The following KAT2B variants were observed in gnomAD, a reference collection of about 807,000 sequenced individuals.
The protein encoded by KAT2B is lysine acetyltransferase 2B, also known as histone acetyltransferase KAT2B.
KAT2B carries 36 observed loss-of-function variants against 105.9 expected under a neutral mutation model. The observed-to-expected ratio is 0.34, with a 90% CI of 0.26 to 0.45. The LOEUF (loss-of-function observed/expected upper bound fraction) is 0.45. KAT2B is among the 20% of genes least tolerant of loss of function. KAT2B has a pLI of 1.00. For missense variants in KAT2B, 820 were observed against 1,021.6 expected, an observed-to-expected ratio of 0.80 and a Z score of 2.69; for synonymous variants, 397 against 377.9, an observed-to-expected ratio of 1.05 and a Z score of -0.59.
intron 9 of KAT2B, among the ~76,000 whole-genome samples, chr3:20,124,259 TG>T (rs1699360440): frequency 6.6e-6 from 1 of 152,138 alleles, no homozygotes; most frequent in Admixed American, 6.6e-5. Context: ...TACCTGAGAC[TG>T]GGTAATTTAT....
rs1699783602 is a variant in KAT2B, at chr3:20,146,379, T to C, written c.2068T>C (p.Cys690Arg). The change falls in exon 14 of 18, where the codon TGT becomes CGT. Residue 690 changes from cysteine to arginine, a missense_variant. Physicochemically the swap from Cys to Arg is radical, Grantham distance 180 (BLOSUM62 -3). Coordinates refer to ENST00000263754, the MANE Select transcript of KAT2B (RefSeq NM_003884.5). The stretch of plus-strand genomic sequence containing the variant: ...TCGAAAAGTTTACCCTGGACTTTCA[T>C]GTTTTAAAGATGGAGTTCGACAGAT... ...QIRKVYPGLS[C>R]FKDGVRQIPI... is the part of the protein sequence containing the mutation. The C allele has an allele frequency of 1.2e-6, 2 of 1,613,696 alleles. No individual in the cohort carries two copies. Among genetic ancestry groups the C allele is most frequent in the South Asian group, 1.1e-5 (1 of 91,074 alleles).
intron 12 of KAT2B, among the ~76,000 whole-genome samples, chr3:20,137,843 C>T (rs888696676): frequency 6.6e-6 from 1 of 152,126 alleles, no homozygotes; most frequent in Non-Finnish European, 1.5e-5. Flanking sequence ...AGTTTCTTAT[C>T]AGAAGTTTTC....
chr3:20,145,554 GTT>G (rs550166293), intron 13 of KAT2B, among the ~76,000 whole-genome samples: 6,428 of 92,442 alleles, frequency 0.07, 139 homozygotes, highest in African/African-American at 0.17. Context: ...GATTTTTTTA[GTT>G]TTTTTTTTTT....
At chr3:20,119,483 A>C (rs1699268106) in intron 7 of KAT2B, 115 bp from the exon 8 acceptor site, 1 of 1,021,892 alleles carries the variant, frequency 9.8e-7, no homozygotes, top group Admixed American at 2.0e-5. Context: ...TGTTTTAAAG[A>C]TGACTTATTT....
chr3:20,116,904 G>A (rs1443444456), intron 7 of KAT2B, among the ~76,000 whole-genome samples: 1 of 152,148 alleles, frequency 6.6e-6, no homozygotes, highest in Non-Finnish European at 1.5e-5. Context: ...ATATTACACT[G>A]TATTAAGAGA....
intron 2 of KAT2B, among the ~76,000 whole-genome samples, chr3:20,078,918 A>AGG (rs1422782690): frequency 6.8e-6 from 1 of 146,034 alleles, no homozygotes; most frequent in East Asian, 2.0e-4. Context: ...TCTGTTGCCC[A>AGG]GGATGGAGTG....
At chr3:20,091,900 T>C (rs559410415) in intron 2 of KAT2B, among the ~76,000 whole-genome samples, 9 of 152,288 alleles carry the variant, frequency 5.9e-5, no homozygotes, top group Middle Eastern at 6.8e-3. Flanking sequence ...TTTGCACCAA[T>C]CCAATACTTT....
intron 2 of KAT2B, among the ~76,000 whole-genome samples, chr3:20,073,417 TC>T (rs1698361903): frequency 6.6e-6 from 1 of 152,212 alleles, no homozygotes; most frequent in Middle Eastern, 3.2e-3. Flanking sequence ...TGGTGTCGCC[TC>T]CAAGGTTAGC....
rs186925482 is a variant in KAT2B at position 20,087,256 on chromosome 3, A to G, written c.431-8007A>G. On this transcript the variant is annotated intron_variant, in intron 2 of 17. Coordinates refer to ENST00000263754, the MANE Select transcript of KAT2B (RefSeq NM_003884.5). ...AAATATTTGAGATGATGGATATGCT[A>G]ATTACACTGATCTGATCACTGTATA... Among the ~76,000 whole-genome samples the G allele has an allele frequency of 4.1e-3, 617 of 152,326 alleles. 4 individuals are homozygous for G. Among genetic ancestry groups the G allele is most frequent in the Middle Eastern group, 6.8e-3 (2 of 294 alleles).
At chr3:20,082,035 A>G (rs1698529988) in intron 2 of KAT2B, among the ~76,000 whole-genome samples, 1 of 151,728 alleles carries the variant, frequency 6.6e-6, no homozygotes, top group Admixed American at 6.6e-5. Context: ...GTTCCTAATA[A>G]TAAGGTTTTC....
chr3:20,069,928 T>C (rs1698289672), intron 1 of KAT2B, among the ~76,000 whole-genome samples: 1 of 152,228 alleles, frequency 6.6e-6, no homozygotes, highest in African/African-American at 2.4e-5. Context: ...TAAATTCTCA[T>C]GACAATTTCC....
At chr3:20,148,575 C>T in intron 17 of KAT2B, 88 bp downstream of exon 17, 2 of 953,858 alleles carry the variant, frequency 2.1e-6, no homozygotes, top group Non-Finnish European at 3.2e-6. Flanking sequence ...GATTTGTACT[C>T]CTCTGCTTAG....
intron 13 of KAT2B, among the ~76,000 whole-genome samples, chr3:20,142,682 T>G (rs1699713862): frequency 6.6e-6 from 1 of 152,176 alleles, no homozygotes. Flanking sequence ...AGGGGCCTCA[T>G]GTCACCTGAC....
At chr3:20,132,522 T>A (rs1699528844) in intron 11 of KAT2B, among the ~76,000 whole-genome samples, 1 of 152,168 alleles carries the variant, frequency 6.6e-6, no homozygotes, top group Non-Finnish European at 1.5e-5. Context: ...AATAAAGGTG[T>A]ACAAACAAGG....
chr3:20,053,976 T>G (rs568795604), intron 1 of KAT2B, among the ~76,000 whole-genome samples: 43 of 152,240 alleles, frequency 2.8e-4, no homozygotes, highest in African/African-American at 1.0e-3. Flanking sequence ...TTTTGTATTT[T>G]TAGTAGAGAT....
intron 2 of KAT2B, among the ~76,000 whole-genome samples, chr3:20,089,457 A>G (rs924753654): frequency 1.2e-4 from 18 of 148,376 alleles, no homozygotes; most frequent in Non-Finnish European, 2.2e-4. Flanking sequence ...CTGGAGTGCA[A>G]TGGCGCAATC....
intron 3 of KAT2B, among the ~76,000 whole-genome samples, chr3:20,098,074 C>T (rs1021977349): frequency 2.6e-5 from 4 of 151,718 alleles, no homozygotes; most frequent in Admixed American, 2.6e-4. Context: ...TATAAAAATA[C>T]AAAAATTAGC....
chr3:20,148,519 T>A (rs776996893), intron 17 of KAT2B, 32 bp downstream of exon 17: 1 of 1,468,882 alleles, frequency 6.8e-7, no homozygotes, highest in South Asian at 1.3e-5. Flanking sequence ...AAGTATAGAT[T>A]TAAAACTCTG....
chr3:20,125,790 A>C, intron 9 of KAT2B, 115 bp from the exon 10 acceptor site: 1 of 836,552 alleles, frequency 1.2e-6, no homozygotes, highest in Non-Finnish European at 1.9e-6. Flanking sequence ...TAGGACTCTG[A>C]AAATCCACAA....
Sources: allele counts gnomAD v4.1 joint callset (sites outside exome capture counted in the v4.1 genomes callset), GRCh38; gene constraint gnomAD v4.1.1; transcripts MANE v1.5; gene names NCBI Gene and HGNC (gene_info 2026-07-23, HGNC 2026-07-21).